TRPM6: variants seen among roughly 807,000 people sequenced by gnomAD.
TRPM6 encodes the protein transient receptor potential cation channel subfamily M member 6, also known as channel kinase 2.
Under a neutral mutation model 247.6 loss-of-function variants are expected in TRPM6, and 111 were observed. The observed-to-expected ratio is 0.45, with a 90% CI of 0.38 to 0.52. The LOEUF (loss-of-function observed/expected upper bound fraction) is 0.52, where lower values mean the gene tolerates loss of function less well. Among genes scored for constraint, TRPM6 ranks in the 20% least tolerant of loss-of-function variants. The probability of loss-of-function intolerance (pLI) is 0.00; values close to 1 mark genes in which losing one functional copy is unlikely to be tolerated. For synonymous variants in TRPM6, 892 were observed against 853.8 expected (o/e 1.04, Z -0.78); for missense variants, 2,126 against 2,421.5 (o/e 0.88, Z 2.56).
chr9:74,822,772 T>A (rs1829175985), intron 7 of TRPM6, among the ~76,000 whole-genome samples: 1 of 152,160 alleles, frequency 6.6e-6, no homozygotes, highest in Non-Finnish European at 1.5e-5. Flanking sequence ...TGCAGAGTCA[T>A]TCTTTTAAAA....
intron 24 of TRPM6, 32 bp from the exon 25 acceptor site, chr9:74,771,867 T>A: frequency 6.2e-7 from 1 of 1,608,232 alleles, no homozygotes; most frequent in Non-Finnish European, 8.5e-7. Flanking sequence ...ACAGAAAGAA[T>A]CATTATTCAC....
intron 3 of TRPM6, among the ~76,000 whole-genome samples, chr9:74,855,309 C>T (rs771026407): frequency 2.0e-5 from 3 of 152,162 alleles, no homozygotes; most frequent in Non-Finnish European, 4.4e-5. Flanking sequence ...AAATTCTTGT[C>T]GAAGGCCCTT....
chr9:74,850,325 T>C (rs1830258799), intron 3 of TRPM6, among the ~76,000 whole-genome samples: 1 of 151,928 alleles, frequency 6.6e-6, no homozygotes, highest in South Asian at 2.1e-4. Context: ...TGAGGCGAGA[T>C]TGGGCCATTG....
chr9:74,790,223 A>G (rs1048115134), intron 19 of TRPM6, among the ~76,000 whole-genome samples: 4 of 152,162 alleles, frequency 2.6e-5, no homozygotes, highest in African/African-American at 9.7e-5. Flanking sequence ...GGCAGTCATA[A>G]TGGATATTAG....
chr9:74,863,044 T>C (rs1830737909), intron 1 of TRPM6, among the ~76,000 whole-genome samples: 1 of 151,764 alleles, frequency 6.6e-6, no homozygotes, highest in African/African-American at 2.4e-5. Context: ...TTGTTTTTTG[T>C]TTGGTTTTGT....
At chr9:74,838,555 G>A (rs1829803610) in intron 5 of TRPM6, among the ~76,000 whole-genome samples, 2 of 152,210 alleles carry the variant, frequency 1.3e-5, no homozygotes, top group Admixed American at 1.3e-4. Context: ...CTTGCCTCTA[G>A]TACACAACCA....
At chr9:74,802,502 T>G (rs947506443) in intron 15 of TRPM6, among the ~76,000 whole-genome samples, 2 of 152,178 alleles carry the variant, frequency 1.3e-5, no homozygotes, top group African/African-American at 4.8e-5. Flanking sequence ...TAACAATGCC[T>G]GAGAAATGGT....
chr9:74,790,108 G>T (rs1012736827), intron 19 of TRPM6, among the ~76,000 whole-genome samples: 1 of 148,170 alleles, frequency 6.7e-6, no homozygotes, highest in African/African-American at 2.5e-5. Context: ...TACCTAAATG[G>T]ATAAGTCTGC....
chr9:74,810,526 G>A (rs996763676), intron 13 of TRPM6, among the ~76,000 whole-genome samples: 18 of 152,288 alleles, frequency 1.2e-4, no homozygotes, highest in African/African-American at 4.1e-4. Flanking sequence ...CCACGGTATC[G>A]GGGTAAGCTG....
intron 38 of TRPM6, among the ~76,000 whole-genome samples, 167 bp from the exon 39 acceptor site, chr9:74,724,913 T>G (rs957103046): frequency 2.6e-5 from 4 of 152,210 alleles, no homozygotes; most frequent in African/African-American, 4.8e-5. Context: ...TAAGCCTCCT[T>G]TCCCACCCCA....
At chr9:74,882,511 G>T (rs73538228) in intron 1 of TRPM6, among the ~76,000 whole-genome samples, 2,106 of 152,194 alleles carry the variant, frequency 0.014, 43 homozygotes, top group African/African-American at 0.048. Flanking sequence ...ATGAAAATAT[G>T]CTCAACATCA....
At chr9:74,749,799 G>C (rs1428391369) in intron 30 of TRPM6, among the ~76,000 whole-genome samples, 1 of 152,192 alleles carries the variant, frequency 6.6e-6, no homozygotes, top group Non-Finnish European at 1.5e-5. Context: ...GGAGAAGAAA[G>C]TCATGTGTCC....
chr9:74,738,823 T>C (rs1825772698), intron 35 of TRPM6, among the ~76,000 whole-genome samples: 1 of 152,200 alleles, frequency 6.6e-6, no homozygotes, highest in African/African-American at 2.4e-5. Flanking sequence ...TTGAGGTAAC[T>C]TTCCAACTCT....
intron 33 of TRPM6, among the ~76,000 whole-genome samples, chr9:74,742,317 T>C (rs2118748605): frequency 1.3e-5 from 2 of 152,360 alleles, no homozygotes; most frequent in South Asian, 4.1e-4. Flanking sequence ...AGGTGCAATA[T>C]TATTGCTTTC....
chr9:74,738,819 T>C (rs905692842), intron 35 of TRPM6, among the ~76,000 whole-genome samples: 2 of 152,188 alleles, frequency 1.3e-5, no homozygotes, highest in Non-Finnish European at 2.9e-5. Flanking sequence ...TGCTTTGAGG[T>C]AACTTTCCAA....
Position 74,802,146 on chromosome 9 carries a change from C to T in TRPM6, c.1761G>A (p.Arg587=). The change falls in exon 16 of 39, where the codon AGG becomes AGA. Residue 587 remains arginine (R), a synonymous_variant. Coordinates refer to ENST00000360774, the MANE Select transcript of TRPM6 (RefSeq NM_017662.5). ...ATACATTTTGTTCTTTTGACTTCTT[C>T]CTTGATTTATGAAGGACTATAGACT... is the stretch of plus-strand genomic sequence containing the variant. ...KEKSIVLHKS[R]KKSKEQNVSD... 1 of 1,613,954 alleles carries T rather than the reference C, an allele frequency of 6.2e-7. No homozygotes were observed. The highest frequency in any genetic ancestry group is 8.5e-7 in the Non-Finnish European group (1 of 1,179,950).
chr9:74,750,975 T>G (rs1055943301), intron 29 of TRPM6, among the ~76,000 whole-genome samples: 2 of 152,106 alleles, frequency 1.3e-5, no homozygotes, highest in African/African-American at 4.8e-5. Flanking sequence ...AAACAGAAAA[T>G]GTAATATATG....
intron 38 of TRPM6, among the ~76,000 whole-genome samples, chr9:74,727,654 C>T (rs1299537380): frequency 2.0e-5 from 3 of 152,112 alleles, no homozygotes; most frequent in African/African-American, 7.2e-5. Context: ...GCCAGGACTG[C>T]CCATTTGGAG....
At position 74,739,864 on chromosome 9, in the gene TRPM6, A is replaced by C; in HGVS notation, c.5346T>G (p.Ala1782=). 6.2e-7 allele frequency: 1 copy of C among 1,614,138 alleles called. No individual in the cohort carries two copies. Among genetic ancestry groups the C allele is most frequent in the East Asian group, 2.2e-5 (1 of 44,874 alleles). The change falls in exon 34 of 39, where the codon GCT becomes GCG. Residue 1782 remains alanine (A), a synonymous_variant. Coordinates refer to ENST00000360774, the MANE Select transcript of TRPM6 (RefSeq NM_017662.5). ...REEMDGGLRK[A]MRVVSTWSED... ...CAGACCAAGTGCTGACGACTCTCATAGCTTTACGGAGGCCCCCATCCATCT... is the reference window on the plus strand; with the variant it reads ...CAGACCAAGTGCTGACGACTCTCATCGCTTTACGGAGGCCCCCATCCATCT...
Sources: gnomAD v4.1 joint callset for allele counts (sites outside exome capture counted in the v4.1 genomes callset) on GRCh38, gnomAD v4.1.1 for gene constraint, MANE v1.5 for transcripts, NCBI Gene and HGNC (gene_info 2026-07-23, HGNC 2026-07-21) for gene names.